Variants in CTCF observed in about 807,000 individuals in gnomAD.
CTCF encodes the protein transcriptional repressor CTCF.
Under a neutral mutation model 72.3 loss-of-function variants are expected in CTCF, and 7 were observed. The observed-to-expected ratio is 0.10, with a 90% confidence interval of 0.06 to 0.18. The LOEUF is 0.18. CTCF is among the 10% of genes least tolerant of loss of function. The pLI, the probability that CTCF is intolerant of heterozygous loss-of-function variation, is 1.00. For missense variants in CTCF, 516 were observed against 949.1 expected (o/e 0.54, Z 6.00); for synonymous variants, 374 against 315.8 (o/e 1.18, Z -1.95).
intron 8 of CTCF, chr16:67,627,999 G>A (rs1313972291): frequency 5.7e-6 from 1 of 176,220 alleles, no homozygotes; most frequent in Non-Finnish European, 1.2e-5. Context: ...AGAGGCTGAG[G>A]CAGGAGAATT....
intron 2 of CTCF, among the ~76,000 whole-genome samples, chr16:67,579,201 G>T (rs1188100418): frequency 6.6e-6 from 1 of 151,592 alleles, no homozygotes; most frequent in Non-Finnish European, 1.5e-5. Context: ...GTTGCAGTGA[G>T]CCGAGATCGC....
intron 4 of CTCF, 84 bp from the exon 5 acceptor site, chr16:67,616,661 A>T: frequency 6.7e-7 from 1 of 1,487,532 alleles, no homozygotes; most frequent in Non-Finnish European, 9.3e-7. Context: ...TTCCAGTCTC[A>T]TAGCAGTTCT....
rs2052056615 is a variant in CTCF, at chr16:67,611,147, A to G, written c.315A>G (p.Glu105=). Residue 105 remains glutamate (E), a synonymous_variant, in exon 3 of 12, where the codon GAA becomes GAG. Transcript: ENST00000264010. Reference sequence around the variant, plus strand: ...CTTTACAGGTTGTAAATATGGAGGAACAGCCCATAAACATAGGAGAACTTC... The same window carrying G: ...CTTTACAGGTTGTAAATATGGAGGAGCAGCCCATAAACATAGGAGAACTTC... ...IITLQVVNME[E]QPINIGELQL... is the part of the protein sequence containing the mutation. 6.2e-7 allele frequency: 1 copy of G among 1,614,212 alleles called. No homozygotes were observed. Among genetic ancestry groups the G allele is most frequent in the Non-Finnish European group, 8.5e-7 (1 of 1,180,028 alleles).
intron 7 of CTCF, among the ~76,000 whole-genome samples, chr16:67,625,078 C>T (rs1348558008): frequency 2.0e-5 from 3 of 151,954 alleles, no homozygotes; most frequent in Non-Finnish European, 4.4e-5. Context: ...GTGTACGCCA[C>T]CATGCCTAGC....
At chr16:67,569,275 T>G (rs1157865399) in intron 1 of CTCF, among the ~76,000 whole-genome samples, 2 of 152,094 alleles carry the variant, frequency 1.3e-5, no homozygotes, top group Non-Finnish European at 2.9e-5. Context: ...CAGCTCCGCC[T>G]CCTGGGTTCA....
At position 67,611,953 on chromosome 16, in the gene CTCF, G is replaced by C. The variant is rs751726330; in HGVS notation, c.784G>C (p.Val262Leu). Residue 262 changes from valine (V) to leucine (L), a missense_variant and splice_region_variant, in exon 4 of 12, where the codon GTA becomes CTA. This residue lies in a region of CTCF where 70 missense variants were observed against 290.1 expected (regional missense o/e 0.24). Coordinates refer to ENST00000264010, the MANE Select transcript of CTCF (RefSeq NM_006565.4). ...PKPTKIKKKG[V>L]KKTFQCELCS... The stretch of plus-strand genomic sequence containing the variant: ...TAAGTGTTTTATTTTGCACATAGGT[G>C]TAAAGAAGACATTCCAGTGTGAGCT... 6.2e-7 allele frequency: 1 copy of C among 1,613,912 alleles called. No homozygotes were observed. Among genetic ancestry groups the C allele is most frequent in the Non-Finnish European group, 8.5e-7 (1 of 1,179,786 alleles).
intron 2 of CTCF, among the ~76,000 whole-genome samples, chr16:67,571,943 GA>G (rs1204046896): frequency 2.6e-5 from 4 of 152,130 alleles, no homozygotes; most frequent in African/African-American, 7.2e-5. Flanking sequence ...AACAAAGTGG[GA>G]TTCTGGTTGT....
intron 2 of CTCF, among the ~76,000 whole-genome samples, chr16:67,592,119 A>G (rs1472934396): frequency 1.3e-5 from 2 of 152,136 alleles, no homozygotes; most frequent in East Asian, 3.8e-4. Flanking sequence ...TTTCTAATGT[A>G]AAGATCTATC....
rs960404984 is a variant in CTCF at position 67,637,929 on chromosome 16, T to A, written c.*57T>A. On this transcript the variant is annotated 3_prime_UTR_variant, in exon 12 of 12. Transcript: ENST00000264010. The stretch of plus-strand genomic sequence containing the variant: ...CTGGGCTGTGTTTAAACGGCCCGCA[T>A]CTTAATTTTTCTCCCTTCTTTCTTT... The A allele has an allele frequency of 7.4e-7, 1 of 1,353,528 alleles. No individual in the cohort carries two copies. The highest frequency in any genetic ancestry group is 1.5e-5 in the African/African-American group (1 of 68,888). The allele number at this position is 1,353,528 out of a possible 1,614,324, so 83.8% of individuals were successfully genotyped here. A position where few individuals can be genotyped will look rare whatever the true frequency, so the allele number is the denominator to read the frequency against.
intron 2 of CTCF, among the ~76,000 whole-genome samples, chr16:67,599,594 C>T (rs2051860787): frequency 6.6e-6 from 1 of 151,840 alleles, no homozygotes; most frequent in Admixed American, 6.6e-5. Context: ...TGTTCTTCCT[C>T]AGTCTGGAGG....
chr16:67,617,400 G>A (rs1324249601), intron 5 of CTCF, among the ~76,000 whole-genome samples: 1 of 152,228 alleles, frequency 6.6e-6, no homozygotes, highest in Admixed American at 6.5e-5. Flanking sequence ...TCGGGAGGCT[G>A]AGGCAGGAGA....
At position 67,611,990 on chromosome 16, in the gene CTCF, C is replaced by A. The variant is rs1444251593; in HGVS notation, c.821C>A (p.Thr274Lys). The stretch of plus-strand genomic sequence containing the variant: ...TTCCAGTGTGAGCTTTGCAGTTACA[C>A]GTGTCCACGGCGTTCAAATTTGGAT... ...KTFQCELCSY[T>K]CPRRSNLDRH... Residue 274 changes from threonine to lysine, a missense_variant, in exon 4 of 12, where the codon ACG becomes AAG. By Grantham distance (78) the Thr-to-Lys change is moderately conservative (BLOSUM62 -1). Around this residue, in one of 7 missense-constraint regions of CTCF, gnomAD observed 70 missense variants for 290.1 expected, o/e 0.24. Transcript: ENST00000264010. The A allele has an allele frequency of 6.2e-7, 1 of 1,614,080 alleles. No homozygotes were observed.
At chr16:67,617,354 C>G (rs2142840792) in intron 5 of CTCF, among the ~76,000 whole-genome samples, 1 of 152,128 alleles carries the variant, frequency 6.6e-6, no homozygotes, top group South Asian at 2.1e-4. Flanking sequence ...AAAAAATTAG[C>G]TGGGTGTGGT....
rs202151389 is a variant in CTCF, at chr16:67,592,949, C to T, written c.-9-17875C>T. Among the ~76,000 whole-genome samples the T allele has an allele frequency of 7.9e-5, 12 of 151,470 alleles. No individual in the cohort carries two copies. In the East Asian group the frequency reaches 2.1e-3, roughly 27 times the overall value. ...GGCTGAGGCAGGAGAATCGGTTGAA[C>T]CTGGAGGCAGGGGTTGCAGTGAGCC... On this transcript the variant is annotated intron_variant, in intron 2 of 11. Coordinates refer to ENST00000264010, the MANE Select transcript of CTCF (RefSeq NM_006565.4).
chr16:67,611,823 G>A lies in CTCF; in HGVS notation c.782-128G>A, dbSNP rs2052066461. 3.1e-6 allele frequency: 3 copies of A among 953,494 alleles called. No individual in the cohort carries two copies. The South Asian group carries it at 4.5e-5, about 14-fold the overall frequency. The allele number at this position is 953,494 out of a possible 1,614,324, so 59.1% of individuals were successfully genotyped here. A position where few individuals can be genotyped will look rare whatever the true frequency, so the allele number is the denominator to read the frequency against. ...AGAAGGAAATGTATTAGTGACATGA[G>A]ATAATTATGACTTATATTGGGTTTT... On this transcript the variant is annotated intron_variant, in intron 3 of 11. Transcript: ENST00000264010.
chr16:67,574,327 G>C (rs2051466056), intron 2 of CTCF, among the ~76,000 whole-genome samples: 1 of 152,066 alleles, frequency 6.6e-6, no homozygotes, highest in Non-Finnish European at 1.5e-5. Flanking sequence ...AGATTTGCCA[G>C]TTTGTTAAGA....
In CTCF at chr16:67,629,746, C is replaced by CTTTTTTTTTTTTTTTTTTT. The variant is rs71145978; in HGVS notation, c.1837+241_1837+259dup. ...TCGTGGCATTCCGCTCATTAATGCCCTTTTTTTTTTTTTTTTTTTTTTTTT... is the reference window on the plus strand; with the variant it reads ...TCGTGGCATTCCGCTCATTAATGCCCTTTTTTTTTTTTTTTTTTTTTTTTTTTTTTTTTTTTTTTTTTTT... On this transcript the variant is annotated intron_variant, in intron 10 of 11. Transcript: ENST00000264010. 6.3e-5 allele frequency among the ~76,000 whole-genome samples: 4 copies of CTTTTTTTTTTTTTTTTTTT among 63,364 alleles called. 1 individual carries two copies. The highest frequency in any genetic ancestry group is 1.2e-4 in the Non-Finnish European group (4 of 34,120). The allele number at this position is 63,364 out of a possible 152,430, so 41.6% of individuals were successfully genotyped here. A position where few individuals can be genotyped will look rare whatever the true frequency, so the allele number is the denominator to read the frequency against.
intron 4 of CTCF, among the ~76,000 whole-genome samples, chr16:67,612,863 G>A (rs1715701039): frequency 6.6e-6 from 1 of 152,034 alleles, no homozygotes; most frequent in Non-Finnish European, 1.5e-5. Context: ...CTTGAAACCT[G>A]GGAGGCAGAC....
chr16:67,615,868 T>C (rs1342416139), intron 4 of CTCF: 1 of 152,240 alleles, frequency 6.6e-6, no homozygotes, highest in Non-Finnish European at 1.5e-5. Flanking sequence ...TGCAGATGGC[T>C]GGTTCTATTC....
Sources: gnomAD v4.1 joint callset for allele counts (sites outside exome capture counted in the v4.1 genomes callset) on GRCh38, gnomAD v4.1.1 for gene constraint, gnomAD v4.1.1 regional missense constraint, MANE v1.5 for transcripts, NCBI Gene and HGNC (gene_info 2026-07-23, HGNC 2026-07-21) for gene names.